LIN52: variants seen among roughly 807,000 people sequenced by gnomAD.
The protein encoded by LIN52 is lin-52 DREAM MuvB core complex component.
Under a neutral mutation model 18.5 loss-of-function variants are expected in LIN52, and 4 were observed. The ratio of observed to expected loss-of-function variants is 0.22; its 90% CI spans 0.11 to 0.49. The LOEUF is 0.49. LIN52 is among the 20% of genes least tolerant of loss of function. LIN52 has a pLI of 0.97. For synonymous variants in LIN52, 34 were observed against 45.5 expected (o/e 0.75, Z 1.02); for missense variants, 102 against 139.5 (o/e 0.73, Z 1.35).
chr14:74,106,356 A>G (rs187717099), intron 5 of LIN52, among the ~76,000 whole-genome samples: 1 of 152,150 alleles, frequency 6.6e-6, no homozygotes, highest in East Asian at 1.9e-4. Context: ...TGCAGCCTCG[A>G]ACTCCTGGGC....
chr14:74,155,984 C>T (rs1344185238), intron 5 of LIN52, among the ~76,000 whole-genome samples: 1 of 152,160 alleles, frequency 6.6e-6, no homozygotes, highest in Non-Finnish European at 1.5e-5. Flanking sequence ...GTTCCCTCCC[C>T]TTCACTGGTG....
chr14:74,192,214 G>A (rs751259543), intron 5 of LIN52, among the ~76,000 whole-genome samples: 21 of 151,990 alleles, frequency 1.4e-4, no homozygotes, highest in African/African-American at 2.2e-4. Context: ...GAGACTCCAC[G>A]GCTTACCATG....
At chr14:74,181,626 G>A (rs911996562) in intron 5 of LIN52, among the ~76,000 whole-genome samples, 2 of 144,094 alleles carry the variant, frequency 1.4e-5, no homozygotes, top group Non-Finnish European at 3.1e-5. Context: ...ACCATAAGCA[G>A]GTTAAGCTGT....
At chr14:74,105,363 C>T (rs1207818265) in intron 5 of LIN52, among the ~76,000 whole-genome samples, 1 of 152,148 alleles carries the variant, frequency 6.6e-6, no homozygotes, top group Non-Finnish European at 1.5e-5. Context: ...TGAGATTGTT[C>T]AGAATTATCT....
intron 5 of LIN52, among the ~76,000 whole-genome samples, chr14:74,177,448 A>G (rs901231353): frequency 6.6e-6 from 1 of 152,074 alleles, no homozygotes; most frequent in African/African-American, 2.4e-5. Flanking sequence ...GTTTTAACTT[A>G]ATGTGAGAAT....
intron 5 of LIN52, among the ~76,000 whole-genome samples, chr14:74,140,049 T>C (rs1396200209): frequency 6.6e-6 from 1 of 151,034 alleles, no homozygotes; most frequent in East Asian, 2.0e-4. Flanking sequence ...ATAGCTTTAT[T>C]ACTAATTTAA....
chr14:74,095,929 G>C lies in LIN52; in HGVS notation c.95-19G>C, dbSNP rs1384691184. The C allele has an allele frequency of 1.3e-6, 2 of 1,577,382 alleles. No homozygotes were observed. Among genetic ancestry groups the C allele is most frequent in the African/African-American group, 2.7e-5 (2 of 73,802 alleles). ...CAATCATACTTATTGAATAAATAAAGTTTTGTTTTTCTTTTTAGTACCAGG... is the reference window on the plus strand; with the variant it reads ...CAATCATACTTATTGAATAAATAAACTTTTGTTTTTCTTTTTAGTACCAGG... On this transcript the variant is annotated intron_variant, in intron 2 of 5. Transcript: ENST00000555028.
intron 5 of LIN52, among the ~76,000 whole-genome samples, chr14:74,131,234 G>A (rs1016190853): frequency 2.0e-5 from 3 of 151,846 alleles, no homozygotes; most frequent in African/African-American, 7.3e-5. Context: ...AGTAAACCCT[G>A]GTGTCAGCTT....
chr14:74,103,215 AC>A (rs1850236795), intron 5 of LIN52, among the ~76,000 whole-genome samples: 1 of 151,964 alleles, frequency 6.6e-6, no homozygotes, highest in Non-Finnish European at 1.5e-5. Context: ...AGTAGCGGGG[AC>A]TACAGGCATG....
chr14:74,163,989 T>TC (rs1412820240), intron 5 of LIN52, among the ~76,000 whole-genome samples: 1 of 151,866 alleles, frequency 6.6e-6, no homozygotes, highest in Non-Finnish European at 1.5e-5. Flanking sequence ...CTGAAATTTT[T>TC]TTTTTTTTTT....
At chr14:74,099,148 G>T (rs1374567059) in intron 4 of LIN52, among the ~76,000 whole-genome samples, 1 of 152,056 alleles carries the variant, frequency 6.6e-6, no homozygotes, top group African/African-American at 2.4e-5. Flanking sequence ...TAAGATTCAT[G>T]ATGATTGTGA....
At chr14:74,135,032 C>G (rs1367765089) in intron 5 of LIN52, among the ~76,000 whole-genome samples, 1 of 152,228 alleles carries the variant, frequency 6.6e-6, no homozygotes, top group African/African-American at 2.4e-5. Flanking sequence ...CTTGCATACC[C>G]TGAACCTTCT....
chr14:74,135,331 G>A (rs1220430677), intron 5 of LIN52, among the ~76,000 whole-genome samples: 3 of 152,126 alleles, frequency 2.0e-5, no homozygotes, highest in African/African-American at 7.2e-5. Context: ...CCAAAGTGCT[G>A]GGATTACAGG....
At chr14:74,125,250 AT>A (rs2061022098) in intron 5 of LIN52, among the ~76,000 whole-genome samples, 1 of 152,078 alleles carries the variant, frequency 6.6e-6, no homozygotes, top group South Asian at 2.1e-4. Context: ...AAGTGTTCCT[AT>A]TTCTCCACAT....
At position 74,085,011 on chromosome 14, in the gene LIN52, G is replaced by A; in HGVS notation, c.19+18G>A. On this transcript the variant is annotated intron_variant, in intron 1 of 5. Coordinates refer to ENST00000555028, the MANE Select transcript of LIN52 (RefSeq NM_001024674.3). ...CACAGACGGTAAGAGCCGGCTTAGA[G>A]ATCTTTGCCTGCAGCCTCCTTCTTT... is the stretch of plus-strand genomic sequence containing the variant. 1 of 1,381,400 alleles carries A rather than the reference G, an allele frequency of 7.2e-7. No homozygotes were observed. Among genetic ancestry groups the A allele is most frequent in the Non-Finnish European group, 9.4e-7 (1 of 1,059,342 alleles). 85.6% of individuals were successfully genotyped at this position (1,381,400 alleles called of 1,614,324 possible). A position where few individuals can be genotyped will look rare whatever the true frequency, so the allele number is the denominator to read the frequency against.
At chr14:74,106,792 A>G (rs368880638) in intron 5 of LIN52, among the ~76,000 whole-genome samples, 16 of 151,834 alleles carry the variant, frequency 1.1e-4, no homozygotes, top group Non-Finnish European at 2.1e-4. Context: ...GGGTTTCACT[A>G]TGTTGGCCAG....
At chr14:74,112,346 TG>T (rs1483974756) in intron 5 of LIN52, among the ~76,000 whole-genome samples, 1 of 151,498 alleles carries the variant, frequency 6.6e-6, no homozygotes, top group Non-Finnish European at 1.5e-5. Context: ...TTCCCTCTGT[TG>T]CCCAGGCTGG....
At chr14:74,128,531 G>A (rs1015664101) in intron 5 of LIN52, among the ~76,000 whole-genome samples, 3 of 152,200 alleles carry the variant, frequency 2.0e-5, no homozygotes, top group African/African-American at 7.2e-5. Context: ...CACCAGGGAG[G>A]ACTCAAAAGG....
intron 5 of LIN52, 87 bp from the exon 6 acceptor site, chr14:74,198,835 A>C: frequency 1.0e-6 from 1 of 998,132 alleles, no homozygotes; most frequent in Non-Finnish European, 1.6e-6. Context: ...AATTTAAATC[A>C]ATCTGCATTT....
Sources: gnomAD v4.1 joint callset for allele counts (sites outside exome capture counted in the v4.1 genomes callset) on GRCh38, gnomAD v4.1.1 for gene constraint, MANE v1.5 for transcripts, NCBI Gene and HGNC (gene_info 2026-07-23, HGNC 2026-07-21) for gene names.